Variants in NPAS2 observed in about 807,000 individuals in gnomAD.
NPAS2 encodes the protein neuronal PAS domain-containing protein 2.
A neutral mutation model predicts 107.5 loss-of-function variants in NPAS2; 23 were observed. The ratio of observed to expected loss-of-function variants is 0.21; its 90% confidence interval spans 0.15 to 0.30. The LOEUF (loss-of-function observed/expected upper bound fraction) is 0.30, where lower values mean the gene tolerates loss of function less well. Among genes scored for constraint, NPAS2 ranks in the 10% least tolerant of loss-of-function variants. NPAS2 has a pLI of 1.00. For missense variants in NPAS2, 756 were observed against 1,043.3 expected, an observed-to-expected ratio of 0.72 and a Z score of 3.79; for synonymous variants, 403 against 417.5, an observed-to-expected ratio of 0.97 and a Z score of 0.42.
At chr2:100,886,114 G>T (rs995450707) in intron 1 of NPAS2, among the ~76,000 whole-genome samples, 1 of 152,222 alleles carries the variant, frequency 6.6e-6, no homozygotes, top group East Asian at 1.9e-4. Flanking sequence ...GAAACCAGGT[G>T]TATGATACTT....
Position 100,971,052 on chromosome 2 carries a change from C to T in NPAS2, c.1118C>T (p.Ala373Val), listed in dbSNP as rs1364901988. The stretch of plus-strand genomic sequence containing the variant: ...GCTCTGGAAGACCCGCCATCCGAGG[C>T]CCTCCACTCCTCAGCACTAAAGGTA... The part of the protein sequence containing the change: ...ELALEDPPSE[A>V]LHSSALKDKG... The change falls in exon 12 of 21, where the codon GCC becomes GTC. Residue 373 changes from alanine (A) to valine (V), a missense_variant. Ala to Val is a moderately conservative substitution (Grantham distance 64). This residue lies in a region of NPAS2 where 496 missense variants were observed against 594.4 expected (regional missense o/e 0.83). Coordinates refer to ENST00000335681, the MANE Select transcript of NPAS2 (RefSeq NM_002518.4). 6.2e-7 allele frequency: 1 copy of T among 1,614,134 alleles called. No individual in the cohort carries two copies. Among genetic ancestry groups the T allele is most frequent in the South Asian group, 1.1e-5 (1 of 91,078 alleles).
chr2:100,934,791 C>A, intron 4 of NPAS2: 1 of 985,434 alleles, frequency 1.0e-6, no homozygotes, highest in Non-Finnish European at 1.2e-6. Context: ...GTGATGTCAC[C>A]ATTGTCCAGT....
At chr2:100,987,600 G>C (rs1677851020) in intron 16 of NPAS2, 1 of 156,434 alleles carries the variant, frequency 6.4e-6, no homozygotes, top group Non-Finnish European at 1.4e-5. Flanking sequence ...GAGATTCAAG[G>C]GCAAACACAG....
chr2:100,957,503 T>A (rs978716490), intron 7 of NPAS2, among the ~76,000 whole-genome samples: 1 of 152,236 alleles, frequency 6.6e-6, no homozygotes, highest in Non-Finnish European at 1.5e-5. Flanking sequence ...TTCAGACAAA[T>A]ACACAATTCC....
intron 1 of NPAS2, among the ~76,000 whole-genome samples, chr2:100,843,143 C>T (rs182207975): frequency 1.2e-4 from 18 of 151,232 alleles, no homozygotes; most frequent in East Asian, 3.9e-4. Context: ...CGCTTGAACC[C>T]GGGAGGCGGA....
intron 14 of NPAS2, chr2:100,975,841 C>G (rs1014131197): frequency 2.5e-5 from 9 of 358,590 alleles, no homozygotes; most frequent in Middle Eastern, 7.4e-4. Context: ...CGGGGTCATA[C>G]CCTCATACCC....
intron 1 of NPAS2, among the ~76,000 whole-genome samples, chr2:100,863,605 A>G (rs748483936): frequency 4.6e-5 from 7 of 152,198 alleles, no homozygotes; most frequent in Non-Finnish European, 1.0e-4. Context: ...ATGACTCTAA[A>G]TAGCTTTTCT....
At chr2:100,835,118 C>G (rs1676976601) in intron 1 of NPAS2, among the ~76,000 whole-genome samples, 2 of 152,274 alleles carry the variant, frequency 1.3e-5, no homozygotes, top group Middle Eastern at 3.4e-3. Flanking sequence ...TCGTTACAGA[C>G]ACGAGTTTGC....
At chr2:100,945,237 C>T (rs1275722063) in intron 5 of NPAS2, among the ~76,000 whole-genome samples, 1 of 152,178 alleles carries the variant, frequency 6.6e-6, no homozygotes, top group Non-Finnish European at 1.5e-5. Context: ...CTCCTGTCCT[C>T]CGATCAGCCA....
intron 6 of NPAS2, among the ~76,000 whole-genome samples, chr2:100,948,651 A>T (rs939984554): frequency 1.3e-5 from 2 of 152,170 alleles, no homozygotes; most frequent in African/African-American, 4.8e-5. Context: ...GTCTTTTAGT[A>T]AGAAACAGTG....
At chr2:100,960,490 C>T (rs967346609) in intron 7 of NPAS2, among the ~76,000 whole-genome samples, 3 of 151,770 alleles carry the variant, frequency 2.0e-5, no homozygotes, top group Non-Finnish European at 2.9e-5. Context: ...CCTGCATCTC[C>T]GCAAGCAGAA....
rs1481777673 is a variant in NPAS2, at chr2:100,965,843, T to G, written c.907+77T>G. Reference sequence around the variant, plus strand: ...GGGCCCAGCAGCAGGGCTCTGGGACTCCAGAAGCCTCTGCTCGTTACCTGG... The same window carrying G: ...GGGCCCAGCAGCAGGGCTCTGGGACGCCAGAAGCCTCTGCTCGTTACCTGG... On this transcript the variant is annotated intron_variant, in intron 10 of 20. Transcript: ENST00000335681. This position sits in a 1 kb window ranked among gnomAD's most constrained non-coding sequence, Gnocchi z 4.3. 1.1e-6 allele frequency: 1 copy of G among 877,906 alleles called. No homozygotes were observed. The highest frequency in any genetic ancestry group is 1.7e-5 in the African/African-American group (1 of 59,134). 54.4% of individuals were successfully genotyped at this position (877,906 alleles called of 1,614,324 possible).
intron 1 of NPAS2, among the ~76,000 whole-genome samples, chr2:100,833,678 G>A (rs1272618070): frequency 6.6e-6 from 1 of 152,170 alleles, no homozygotes; most frequent in African/African-American, 2.4e-5. Flanking sequence ...TTGTGTCTGG[G>A]ATTTCAGTCC....
At chr2:100,842,081 G>GCGTGCGCGCACACACACACACA in intron 1 of NPAS2, among the ~76,000 whole-genome samples, 1 of 148,798 alleles carries the variant, frequency 6.7e-6, no homozygotes, top group Non-Finnish European at 1.5e-5. Flanking sequence ...GCATGTACGC[G>GCGTGCGCGCACACACACACACA]CACACACACA....
chr2:100,879,977 A>G (rs1398660305), intron 1 of NPAS2, among the ~76,000 whole-genome samples: 2 of 152,224 alleles, frequency 1.3e-5, no homozygotes, highest in African/African-American at 2.4e-5. Flanking sequence ...TTGACAGTCA[A>G]GAAGTGGGGA....
chr2:100,951,049 A>T lies in NPAS2; in HGVS notation c.598+1569A>T, dbSNP rs73945845. 5.5e-3 allele frequency among the ~76,000 whole-genome samples: 836 copies of T among 152,316 alleles called. 5 individuals are homozygous for T. The highest frequency in any genetic ancestry group is 0.019 in the African/African-American group (779 of 41,572). On this transcript the variant is annotated intron_variant, in intron 7 of 20. Transcript: ENST00000335681. ...GCAACTTATTAAAATGCAGACTCTC[A>T]GCCTTTGCCCTAAAGAGTCTAGCTC...
rs557591974 is a variant in NPAS2 at position 100,976,178 on chromosome 2, T to C, written c.1392+611T>C. Among the ~76,000 whole-genome samples, 96 of 151,714 alleles carry C rather than the reference T, an allele frequency of 6.3e-4. 1 individual carries two copies. The highest frequency in any genetic ancestry group is 5.2e-3 in the South Asian group (25 of 4,800). On this transcript the variant is annotated intron_variant, in intron 14 of 20. Transcript: ENST00000335681. This position sits in a 1 kb window ranked among gnomAD's most constrained non-coding sequence, Gnocchi z 4.1. ...CATCATGGGGATGGCACTTCTCTGC[T>C]CCTTGGTGTCGGGGATCTCGTGGGC...
rs373525145 is a variant in NPAS2 at position 100,950,325 on chromosome 2, A to T, written c.598+845A>T. ...AAAGCATTGACAGGGAATGGGGGAA[A>T]AAAGAGGAAATGAGAAAAATACCAA... is the stretch of plus-strand genomic sequence containing the variant. On this transcript the variant is annotated intron_variant, in intron 7 of 20. Transcript: ENST00000335681. Among the ~76,000 whole-genome samples, 149 of 152,368 alleles carry T rather than the reference A, an allele frequency of 9.8e-4. 1 individual carries two copies. Among genetic ancestry groups the T allele is most frequent in the African/African-American group, 3.4e-3 (140 of 41,594 alleles).
chr2:100,988,186 C>T lies in NPAS2; in HGVS notation c.1737C>T (p.Leu579=), dbSNP rs775621586. The part of the protein sequence containing the change: ...QRSAAVTQPQ[L]GAGPQLPGQI... Reference sequence around the variant, plus strand: ...CAGCTGCAGTGACTCAGCCCCAGCTCGGGGCGGGCCCCCAACTTCCAGGGC... The same window carrying T: ...CAGCTGCAGTGACTCAGCCCCAGCTTGGGGCGGGCCCCCAACTTCCAGGGC... Residue 579 remains leucine (L), a synonymous_variant, in exon 17 of 21, where the codon CTC becomes CTT. Coordinates refer to ENST00000335681, the MANE Select transcript of NPAS2 (RefSeq NM_002518.4). 1.5e-5 allele frequency: 24 copies of T among 1,614,044 alleles called. No homozygotes were observed. Among genetic ancestry groups the T allele is most frequent in the South Asian group, 4.4e-5 (4 of 91,084 alleles).
Sources: allele counts gnomAD v4.1 joint callset (sites outside exome capture counted in the v4.1 genomes callset), GRCh38; gene constraint gnomAD v4.1.1; regional missense constraint gnomAD v4.1.1; non-coding constraint Gnocchi (gnomAD v3.1); transcripts MANE v1.5; gene names NCBI Gene and HGNC (gene_info 2026-07-23, HGNC 2026-07-21).